The following DNAH12 variants were observed in gnomAD, a reference collection of about 807,000 sequenced individuals.
DNAH12 encodes dynein axonemal heavy chain 12, also known as axonemal beta dynein heavy chain 12.
DNAH12 carries 285 observed loss-of-function variants against 371.5 expected under a neutral mutation model. The ratio of observed to expected loss-of-function variants is 0.77; its 90% CI spans 0.70 to 0.85. The LOEUF is 0.85. DNAH12 is among the 40% of genes least tolerant of loss of function. DNAH12 has a pLI of 0.00. For synonymous variants in DNAH12, 1,200 were observed against 1,213.0 expected (o/e 0.99, Z 0.22); for missense variants, 3,611 against 3,689.4 (o/e 0.98, Z 0.55).
intron 27 of DNAH12, 114 bp downstream of exon 27, chr3:57,445,917 G>C (rs1415787502): frequency 1.0e-6 from 1 of 970,608 alleles, no homozygotes; most frequent in Non-Finnish European, 1.4e-6. Context: ...GAACCCGGGA[G>C]GTGGAGGTTG....
intron 4 of DNAH12, chr3:57,519,773 A>G (rs1379610560): frequency 1.3e-6 from 2 of 1,589,478 alleles, no homozygotes; most frequent in African/African-American, 2.7e-5. Context: ...GAATGATTAC[A>G]TTCTCCCAAG....
At position 57,421,660 on chromosome 3, in the gene DNAH12, T is replaced by G. The variant is rs964614557; in HGVS notation, c.5420A>C (p.Asp1807Ala). The change falls in exon 36 of 74, where the codon GAT becomes GCT. Residue 1807 changes from aspartate to alanine, a missense_variant. By Grantham distance (126) the Asp-to-Ala change is moderately radical. This residue lies in a region of DNAH12 where 2,266 missense variants were observed against 2,236.9 expected (regional missense o/e 1.01). Transcript: ENST00000495027. ...ATCAAAAACACGACGGCCATCTGTA[T>G]CACAACTTCCTCCAATCGACCAAAT... Reference protein sequence around the residue: ...SLIWSIGGSCDTDGRRVFDTF... With the variant: ...SLIWSIGGSCATDGRRVFDTF... 6.4e-7 allele frequency: 1 copy of G among 1,551,662 alleles called. No homozygotes were observed. Among genetic ancestry groups the G allele is most frequent in the African/African-American group, 1.4e-5 (1 of 73,158 alleles).
In DNAH12 at chr3:57,322,441, C is replaced by T. The variant is rs755008006; in HGVS notation, c.10426G>A (p.Glu3476Lys). The T allele has an allele frequency of 6.4e-7, 1 of 1,552,128 alleles. No individual in the cohort carries two copies. The highest frequency in any genetic ancestry group is 2.4e-5 in the East Asian group (1 of 40,912). ...TTCAGCCGAAGACCCGTGGGAGGTTCATTAGTCATTTTTACTCCATTCTGT... is the reference window on the plus strand; with the variant it reads ...TTCAGCCGAAGACCCGTGGGAGGTTTATTAGTCATTTTTACTCCATTCTGT... Reference protein sequence around the residue: ...ILQNGVKMTNEPPTGLRLNLL... With the variant: ...ILQNGVKMTNKPPTGLRLNLL... The change falls in exon 65 of 74, where the codon GAA becomes AAA. Residue 3476 changes from glutamate (E) to lysine (K), a missense_variant. Glu to Lys is a moderately conservative substitution (Grantham distance 56). Transcript: ENST00000495027.
At position 57,509,205 on chromosome 3, in the gene DNAH12, G is replaced by A. The variant is rs765175957; in HGVS notation, c.477C>T (p.Ser159=). 8 of 1,613,136 alleles carry A rather than the reference G, an allele frequency of 5.0e-6. No individual in the cohort carries two copies. Among genetic ancestry groups the A allele is most frequent in the Admixed American group, 3.3e-5 (2 of 59,868 alleles). The change falls in exon 6 of 74, where the codon AGC becomes AGT. Residue 159 remains serine, a synonymous_variant. Coordinates refer to ENST00000495027, the MANE Select transcript of DNAH12 (RefSeq NM_001366028.2). ...ENSMKRYLVQ[S]VLVKPPVKSL... is the part of the protein sequence containing the mutation. ...ATTTAACTGGTGGTTTCACAAGAAC[G>A]CTCTGCACTAAAATACATGGATATA...
intron 60 of DNAH12, among the ~76,000 whole-genome samples, chr3:57,337,398 G>A (rs561553898): frequency 1.3e-5 from 2 of 152,252 alleles, no homozygotes; most frequent in African/African-American, 2.4e-5. Context: ...GGTGGCTCAC[G>A]CCTGTAATCC....
chr3:57,543,131 C>T (rs1452455434), intron 1 of DNAH12, among the ~76,000 whole-genome samples: 1 of 152,052 alleles, frequency 6.6e-6, no homozygotes, highest in Non-Finnish European at 1.5e-5. Flanking sequence ...CCCTTCAGGG[C>T]TTGTTTCCTA....
intron 10 of DNAH12, among the ~76,000 whole-genome samples, chr3:57,501,910 CT>C (rs11333440): frequency 0.64 from 91,364 of 143,524 alleles, 28,854 homozygotes; most frequent in South Asian, 0.74. Context: ...GGGTTTGATT[CT>C]TTTTTTTTTT....
chr3:57,502,472 T>G lies in DNAH12; in HGVS notation c.1094A>C (p.Gln365Pro). The G allele has an allele frequency of 6.2e-7, 1 of 1,614,100 alleles. No individual in the cohort carries two copies. The highest frequency in any genetic ancestry group is 8.5e-7 in the Non-Finnish European group (1 of 1,179,950). ...ERIAEALQNV[Q>P]TIPSWLSGTS... ...TCCTGATAGCCAAGAGGGGATTGTT[T>G]GGACATTCTAACACAAATAAAAATA... Residue 365 changes from glutamine to proline, a missense_variant, in exon 10 of 74, where the codon CAA (glutamine) becomes CCA (proline). This residue lies in a region of DNAH12 where 1,314 missense variants were observed against 1,398.7 expected (regional missense o/e 0.94). Coordinates refer to ENST00000495027, the MANE Select transcript of DNAH12 (RefSeq NM_001366028.2).
chr3:57,337,880 G>A (rs7619157), intron 60 of DNAH12, among the ~76,000 whole-genome samples: 49,286 of 151,948 alleles, frequency 0.32, 8,807 homozygotes, highest in African/African-American at 0.46. Context: ...AAAAGACCTA[G>A]AAGACATTTA....
At chr3:57,511,455 C>G (rs955127420) in intron 4 of DNAH12, among the ~76,000 whole-genome samples, 1 of 152,044 alleles carries the variant, frequency 6.6e-6, no homozygotes, top group Non-Finnish European at 1.5e-5. Flanking sequence ...AAAATAGACA[C>G]GAATGAATGA....
Position 57,502,403 on chromosome 3 carries a change from AC to A in DNAH12, c.1162del (p.Val388CysfsTer9). The A allele has an allele frequency of 6.2e-7, 1 of 1,614,160 alleles. No homozygotes were observed. Among genetic ancestry groups the A allele is most frequent in the Non-Finnish European group, 8.5e-7 (1 of 1,180,012 alleles). ...CAGTGTATCAACAGCCCAGTGTAACACGTGTTCAGGAAGTTCTGTGTCAAGA... is the reference window on the plus strand; with the variant it reads ...CAGTGTATCAACAGCCCAGTGTAACAGTGTTCAGGAAGTTCTGTGTCAAGA... ...VNLDTELPEH[V>X]LHWAVDTLKA... On this transcript the variant is annotated frameshift_variant, in exon 10 of 74. Transcript: ENST00000495027. LOFTEE classifies it high-confidence loss of function.
chr3:57,297,011 T>C (rs1345571743), intron 70 of DNAH12, 27 bp from the exon 71 acceptor site: 3 of 1,549,446 alleles, frequency 1.9e-6, no homozygotes, highest in Non-Finnish European at 1.7e-6. Context: ...AAACACATTA[T>C]GTCAGTTTTT....
chr3:57,448,233 C>T (rs147680973), intron 25 of DNAH12, among the ~76,000 whole-genome samples: 1 of 152,174 alleles, frequency 6.6e-6, no homozygotes, highest in Non-Finnish European at 1.5e-5. Context: ...TTCTGATGGT[C>T]GGATGTGTTG....
chr3:57,443,900 A>G (rs114036513), intron 29 of DNAH12, among the ~76,000 whole-genome samples: 1 of 152,310 alleles, frequency 6.6e-6, no homozygotes, highest in African/African-American at 2.4e-5. Context: ...ATCACAAGAT[A>G]GAAAATAAAA....
At chr3:57,554,708 C>A in the DNAH12 span, among the ~76,000 whole-genome samples, 2 of 152,092 alleles carry the variant, frequency 1.3e-5, no homozygotes, top group African/African-American at 4.8e-5. Flanking sequence ...CTCCATCTCC[C>A]AGGTTCAAGC....
chr3:57,365,675 C>T (rs1324458519), intron 57 of DNAH12, among the ~76,000 whole-genome samples: 1 of 152,026 alleles, frequency 6.6e-6, no homozygotes, highest in Non-Finnish European at 1.5e-5. Context: ...AATCTTACCA[C>T]CACAGAGATA....
intron 43 of DNAH12, chr3:57,402,324 C>CATCTCCCTTTT: frequency 1.8e-6 from 2 of 1,138,556 alleles, no homozygotes; most frequent in Non-Finnish European, 2.3e-6. Context: ...TTTTTTTCCA[C>CATCTCCCTTTT]TTTGTATCAT....
intron 23 of DNAH12, 70 bp from the exon 24 acceptor site, chr3:57,453,473 A>G (rs930505923): frequency 8.5e-6 from 11 of 1,289,984 alleles, no homozygotes; most frequent in Non-Finnish European, 1.1e-5. Flanking sequence ...TTATATATTT[A>G]GTCTTTTATA....
chr3:57,454,672 C>T, intron 23 of DNAH12, 103 bp downstream of exon 23: 2 of 1,452,982 alleles, frequency 1.4e-6, no homozygotes, highest in Non-Finnish European at 1.9e-6. Context: ...GAGTTCAAGA[C>T]TAGCCTGGGT....
Sources: allele counts gnomAD v4.1 joint callset (sites outside exome capture counted in the v4.1 genomes callset), GRCh38; gene constraint gnomAD v4.1.1; regional missense constraint gnomAD v4.1.1; transcripts MANE v1.5; gene names NCBI Gene and HGNC (gene_info 2026-07-23, HGNC 2026-07-21).